Variants in NALF1 observed in about 807,000 individuals in gnomAD.
NALF1 encodes NALCN channel auxiliary factor 1.
NALF1 carries 3 observed loss-of-function variants against 48.4 expected under a neutral mutation model. That is an observed-to-expected ratio of 0.06 (90% CI 0.03 to 0.16). The LOEUF is 0.16. Ranked by LOEUF, NALF1 falls within the 10% of genes least tolerant of loss-of-function variation. NALF1 has a pLI of 1.00. For missense variants in NALF1, 526 were observed against 571.5 expected (o/e 0.92, Z 0.81); for synonymous variants, 262 against 245.7 (o/e 1.07, Z -0.62).
intron 1 of NALF1, among the ~76,000 whole-genome samples, chr13:107,335,816 C>A (rs989524514): frequency 6.6e-6 from 1 of 152,228 alleles, no homozygotes; most frequent in African/African-American, 2.4e-5. Context: ...CTAGAATATC[C>A]TTTACCGTAA....
At chr13:107,397,806 A>G (rs1264720510) in intron 1 of NALF1, among the ~76,000 whole-genome samples, 2 of 152,166 alleles carry the variant, frequency 1.3e-5, no homozygotes, top group African/African-American at 4.8e-5. Flanking sequence ...AATAAAAAAA[A>G]TTACTTTGAA....
rs559736855 is a variant in NALF1 at position 107,643,037 on chromosome 13, T to C, written c.915+222645A>G. Among the ~76,000 whole-genome samples the C allele has an allele frequency of 1.4e-4, 22 of 152,134 alleles. No homozygotes were observed. In the South Asian group the frequency reaches 4.6e-3, roughly 32 times the overall value. Reference sequence around the variant, plus strand: ...AGACAGCATCCCACACAGCTGACTGTTGGCTGAAGAGCAGGCGTATGTCAT... The same window carrying C: ...AGACAGCATCCCACACAGCTGACTGCTGGCTGAAGAGCAGGCGTATGTCAT... On this transcript the variant is annotated intron_variant, in intron 1 of 2. Coordinates refer to ENST00000375915, the MANE Select transcript of NALF1 (RefSeq NM_001080396.3).
intron 1 of NALF1, among the ~76,000 whole-genome samples, chr13:107,306,647 T>C (rs1881941932): frequency 6.6e-6 from 1 of 152,174 alleles, no homozygotes; most frequent in African/African-American, 2.4e-5. Context: ...ACCATAAGAA[T>C]TAACAGTGAC....
intron 1 of NALF1, among the ~76,000 whole-genome samples, chr13:107,816,773 ACAG>A (rs1358101394): frequency 6.6e-6 from 1 of 152,190 alleles, no homozygotes; most frequent in Non-Finnish European, 1.5e-5. Flanking sequence ...TAAACGTACA[ACAG>A]AATTATGTTG....
chr13:107,191,833 A>ATTTTTTTTTTTT (rs66566638), intron 2 of NALF1, among the ~76,000 whole-genome samples: 203 of 112,160 alleles, frequency 1.8e-3, no homozygotes, highest in African/African-American at 4.3e-3. Context: ...CACTATGCCT[A>ATTTTTTTTTTTT]TTTTTTTTTT....
intron 1 of NALF1, among the ~76,000 whole-genome samples, chr13:107,483,566 A>G (rs1369605927): frequency 1.3e-5 from 2 of 152,118 alleles, no homozygotes; most frequent in Non-Finnish European, 2.9e-5. Context: ...CTTTTGAGGA[A>G]GAGATCACTA....
At chr13:107,576,336 TACCTGAAAAC>T (rs1222310296) in intron 1 of NALF1, among the ~76,000 whole-genome samples, 1 of 152,204 alleles carries the variant, frequency 6.6e-6, no homozygotes, top group Non-Finnish European at 1.5e-5. Flanking sequence ...AAAGGATCTT[TACCTGAAAAC>T]AAAGAAAAGT....
At chr13:107,407,985 T>C (rs1883928175) in intron 1 of NALF1, among the ~76,000 whole-genome samples, 1 of 152,074 alleles carries the variant, frequency 6.6e-6, no homozygotes, top group Non-Finnish European at 1.5e-5. Context: ...TTAAGTTAAA[T>C]GAAATAAGCC....
At chr13:107,583,852 G>A (rs1878379115) in intron 1 of NALF1, among the ~76,000 whole-genome samples, 1 of 152,088 alleles carries the variant, frequency 6.6e-6, no homozygotes, top group Non-Finnish European at 1.5e-5. Context: ...GCTACAGAAT[G>A]CAGCTTTTTC....
chr13:107,296,683 T>C (rs144404708), intron 1 of NALF1, among the ~76,000 whole-genome samples: 2,283 of 152,274 alleles, frequency 0.015, 27 homozygotes, highest in Middle Eastern at 0.037. Context: ...TTAACATTTA[T>C]TAAGGAAAGA....
At chr13:107,713,556 TA>T (rs1351337302) in intron 1 of NALF1, among the ~76,000 whole-genome samples, 1 of 152,214 alleles carries the variant, frequency 6.6e-6, no homozygotes, top group Non-Finnish European at 1.5e-5. Context: ...AAAGAGATTA[TA>T]TCATCATCTG....
At chr13:107,315,576 A>C (rs541938551) in intron 1 of NALF1, among the ~76,000 whole-genome samples, 1 of 152,154 alleles carries the variant, frequency 6.6e-6, no homozygotes, top group South Asian at 2.1e-4. Context: ...TTTCCAAGGT[A>C]CTTTGTTGGG....
intron 1 of NALF1, among the ~76,000 whole-genome samples, chr13:107,214,298 A>G (rs1488893438): frequency 6.6e-6 from 1 of 152,212 alleles, no homozygotes; most frequent in Non-Finnish European, 1.5e-5. Flanking sequence ...ACTTCAAACA[A>G]AAGCACATCA....
chr13:107,493,962 G>A (rs1875238525), intron 1 of NALF1, among the ~76,000 whole-genome samples: 1 of 152,046 alleles, frequency 6.6e-6, no homozygotes, highest in Non-Finnish European at 1.5e-5. Context: ...TAGAGAAAAC[G>A]ATGGTCTGTG....
chr13:107,764,358 T>A (rs940701696), intron 1 of NALF1, among the ~76,000 whole-genome samples: 1 of 152,184 alleles, frequency 6.6e-6, no homozygotes, highest in Non-Finnish European at 1.5e-5. Context: ...TGTTATAACA[T>A]AATACATATG....
chr13:107,408,068 C>T (rs1883930016), intron 1 of NALF1, among the ~76,000 whole-genome samples: 1 of 151,922 alleles, frequency 6.6e-6, no homozygotes, highest in South Asian at 2.1e-4. Context: ...AATAATTGAA[C>T]TCATGGAGAT....
At chr13:107,386,534 C>G (rs1883533981) in intron 1 of NALF1, among the ~76,000 whole-genome samples, 1 of 152,142 alleles carries the variant, frequency 6.6e-6, no homozygotes, top group South Asian at 2.1e-4. Context: ...ATCCCTAAGC[C>G]CAGTAAATTC....
At chr13:107,364,485 C>T (rs1467418345) in intron 1 of NALF1, among the ~76,000 whole-genome samples, 1 of 152,138 alleles carries the variant, frequency 6.6e-6, no homozygotes, top group African/African-American at 2.4e-5. Flanking sequence ...GTCAACTGCC[C>T]GTCTTCACTT....
intron 1 of NALF1, among the ~76,000 whole-genome samples, chr13:107,304,250 T>G (rs1881894466): frequency 6.6e-6 from 1 of 152,178 alleles, no homozygotes; most frequent in Non-Finnish European, 1.5e-5. Context: ...ATTTGAGGTA[T>G]TAGTGAATAT....
Sources: allele counts gnomAD v4.1 joint callset (sites outside exome capture counted in the v4.1 genomes callset), GRCh38; gene constraint gnomAD v4.1.1; transcripts MANE v1.5; gene names NCBI Gene and HGNC (gene_info 2026-07-23, HGNC 2026-07-21).